Variants in RBFOX1 observed in about 807,000 individuals in gnomAD.
RBFOX1 encodes the protein RNA binding fox-1 homolog 1.
In RBFOX1, 8 loss-of-function variants were observed where a neutral mutation model predicts 57.7. That is an observed-to-expected ratio of 0.14 (90% CI 0.08 to 0.25). The LOEUF is 0.25. RBFOX1 is among the 10% of genes least tolerant of loss of function. RBFOX1 has a pLI of 1.00. For missense variants in RBFOX1, 611 were observed against 548.5 expected (o/e 1.11, Z -1.14); for synonymous variants, 326 against 222.4 (o/e 1.47, Z -4.15).
In RBFOX1 at chr16:7,405,509, T is replaced by C. The variant is rs556755142; in HGVS notation, c.28-112638T>C. On this transcript the variant is annotated intron_variant, in intron 4 of 15. Transcript: ENST00000550418. Reference sequence around the variant, plus strand: ...CTGAAGGCAGCAATTAAATGAGTTATGCTGACCGGAGCAACCCTCTTCCTT... The same window carrying C: ...CTGAAGGCAGCAATTAAATGAGTTACGCTGACCGGAGCAACCCTCTTCCTT... Among the ~76,000 whole-genome samples, 15 of 152,342 alleles carry C rather than the reference T, an allele frequency of 9.8e-5. No homozygotes were observed. The South Asian group carries it at 2.9e-3, about 29-fold the overall frequency.
intron 4 of RBFOX1, among the ~76,000 whole-genome samples, chr16:7,204,729 G>A (rs557909158): frequency 1.3e-5 from 2 of 152,204 alleles, no homozygotes; most frequent in Admixed American, 6.5e-5. Flanking sequence ...TTTTTAGAGC[G>A]AGGCTTCCTT....
chr16:7,574,363 G>C (rs1334325067), intron 5 of RBFOX1, among the ~76,000 whole-genome samples: 1 of 152,198 alleles, frequency 6.6e-6, no homozygotes, highest in African/African-American at 2.4e-5. Context: ...AATTTATTAA[G>C]GAGTATTGAC....
At position 6,926,716 on chromosome 16, in the gene RBFOX1, C is replaced by A. The variant is rs56177167; in HGVS notation, c.-15-125341C>A. ...TACTTAGCTCTTCTTCCCGTTAATT[C>A]GTTCAAGAACTGGTGAAAGAGAGCA... On this transcript the variant is annotated intron_variant, in intron 3 of 15. Transcript: ENST00000550418. Among the ~76,000 whole-genome samples the A allele has an allele frequency of 4.6e-5, 7 of 152,096 alleles. 1 individual carries two copies. In the South Asian group the frequency reaches 1.5e-3, roughly 32 times the overall value.
chr16:5,927,216 A>G (rs866407117), intron 4 of RBFOX1, among the ~76,000 whole-genome samples: 1 of 152,238 alleles, frequency 6.6e-6, no homozygotes, highest in Non-Finnish European at 1.5e-5. Flanking sequence ...GATTCCTAAA[A>G]GGCTCCAAGT....
At chr16:6,885,624 T>A (rs1045461697) in intron 3 of RBFOX1, among the ~76,000 whole-genome samples, 6 of 152,074 alleles carry the variant, frequency 3.9e-5, no homozygotes, top group Non-Finnish European at 7.4e-5. Flanking sequence ...CTCTGCCTCC[T>A]GAGTTCAAGT....
At chr16:6,819,324 G>C (rs772509713) in intron 3 of RBFOX1, among the ~76,000 whole-genome samples, 3 of 152,158 alleles carry the variant, frequency 2.0e-5, no homozygotes, top group Non-Finnish European at 4.4e-5. Flanking sequence ...TTGAATTATT[G>C]CTTAGATGAA....
intron 3 of RBFOX1, among the ~76,000 whole-genome samples, chr16:7,047,989 C>G (rs1413717726): frequency 1.3e-5 from 2 of 151,718 alleles, no homozygotes; most frequent in Non-Finnish European, 2.9e-5. Context: ...AGCGATTCTC[C>G]TGTCTCAGCC....
chr16:6,482,639 G>T (rs1314455804), intron 2 of RBFOX1, among the ~76,000 whole-genome samples: 1 of 152,134 alleles, frequency 6.6e-6, no homozygotes, highest in African/African-American at 2.4e-5. Context: ...TTCTCATTTA[G>T]TACGTAACGT....
chr16:7,141,370 C>A (rs62017086), intron 4 of RBFOX1, among the ~76,000 whole-genome samples: 1 of 151,980 alleles, frequency 6.6e-6, no homozygotes, highest in Non-Finnish European at 1.5e-5. Flanking sequence ...GATAGGACCC[C>A]TTCTCTGATG....
chr16:6,334,712 A>T (rs1567958837), intron 2 of RBFOX1, among the ~76,000 whole-genome samples: 1 of 152,110 alleles, frequency 6.6e-6, no homozygotes, highest in Non-Finnish European at 1.5e-5. Flanking sequence ...TTCGCAGAGG[A>T]TCCCTGTAGT....
chr16:6,845,879 A>G (rs1010259370), intron 3 of RBFOX1, among the ~76,000 whole-genome samples: 2 of 152,060 alleles, frequency 1.3e-5, no homozygotes, highest in African/African-American at 4.8e-5. Context: ...ATTCCTTCTG[A>G]TTCTTTATAT....
intron 2 of RBFOX1, among the ~76,000 whole-genome samples, chr16:6,553,949 A>C (rs1198215009): frequency 6.6e-6 from 1 of 152,178 alleles, no homozygotes; most frequent in Non-Finnish European, 1.5e-5. Flanking sequence ...GTGAGTTCCC[A>C]GAGGGCAGGT....
chr16:7,162,502 G>T (rs985948598), intron 4 of RBFOX1, among the ~76,000 whole-genome samples: 1 of 150,936 alleles, frequency 6.6e-6, no homozygotes, highest in Non-Finnish European at 1.5e-5. Context: ...GGTTGAGGGG[G>T]ATAGATCACC....
rs376393750 is a variant in RBFOX1 at position 7,216,012 on chromosome 16, C to G, written c.27+163914C>G. On this transcript the variant is annotated intron_variant, in intron 4 of 15. Transcript: ENST00000550418. The stretch of plus-strand genomic sequence containing the variant: ...TGCTGAGATTACAGGCGTGAGCCAC[C>G]GCGCCCAGCCTGGATGTTTTATATC... 3.5e-4 allele frequency among the ~76,000 whole-genome samples: 54 copies of G among 152,208 alleles called. No homozygotes were observed. The South Asian group carries it at 1.0e-2, about 28-fold the overall frequency.
intron 3 of RBFOX1, among the ~76,000 whole-genome samples, chr16:6,726,397 C>T (rs111974772): frequency 2.0e-5 from 3 of 146,910 alleles, no homozygotes; most frequent in African/African-American, 2.5e-5. Flanking sequence ...GCTATTTTTT[C>T]TTTTTTTTTT....
At chr16:6,314,438 G>A (rs2080819373) in intron 1 of RBFOX1, among the ~76,000 whole-genome samples, 1 of 152,176 alleles carries the variant, frequency 6.6e-6, no homozygotes, top group Non-Finnish European at 1.5e-5. Context: ...CCCACTGGAA[G>A]GGTCAATGAA....
chr16:6,400,044 A>G (rs569798658), intron 2 of RBFOX1, among the ~76,000 whole-genome samples: 2 of 152,194 alleles, frequency 1.3e-5, no homozygotes, highest in Non-Finnish European at 2.9e-5. Flanking sequence ...ATTCAAGATG[A>G]AATTTGGGTG....
At chr16:6,376,249 C>G (rs1243273766) in intron 2 of RBFOX1, among the ~76,000 whole-genome samples, 1 of 152,092 alleles carries the variant, frequency 6.6e-6, no homozygotes, top group Non-Finnish European at 1.5e-5. Flanking sequence ...TGTCCTATAG[C>G]CTGGCACTTA....
chr16:6,801,433 C>G (rs947330802), intron 3 of RBFOX1, among the ~76,000 whole-genome samples: 1 of 151,998 alleles, frequency 6.6e-6, no homozygotes, highest in Non-Finnish European at 1.5e-5. Context: ...GATAAATAAG[C>G]AAAACGGGCA....
Sources: gnomAD v4.1 joint callset for allele counts (sites outside exome capture counted in the v4.1 genomes callset) on GRCh38, gnomAD v4.1.1 for gene constraint, MANE v1.5 for transcripts, NCBI Gene and HGNC (gene_info 2026-07-23, HGNC 2026-07-21) for gene names.